ZC3H4: variants seen among roughly 807,000 people sequenced by gnomAD.
ZC3H4 encodes zinc finger CCCH domain-containing protein 4.
A neutral mutation model predicts 108.3 loss-of-function variants in ZC3H4; 13 were observed. The ratio of observed to expected loss-of-function variants is 0.12; its 90% confidence interval spans 0.08 to 0.19. ZC3H4 has a LOEUF of 0.19. ZC3H4 is among the 10% of genes least tolerant of loss of function. The pLI is 1.00. For synonymous variants in ZC3H4, 917 were observed against 749.6 expected (o/e 1.22, Z -3.65); for missense variants, 1,734 against 1,838.8 (o/e 0.94, Z 1.04).
At chr19:47,087,078 C>A (rs1428505076) in intron 5 of ZC3H4, among the ~76,000 whole-genome samples, 2 of 151,928 alleles carry the variant, frequency 1.3e-5, no homozygotes, top group Non-Finnish European at 2.9e-5. Context: ...GAGTTTGAGA[C>A]CATCCTGGCC....
In ZC3H4 at chr19:47,066,553, C is replaced by T. The variant is rs568440265; in HGVS notation, c.3715G>A (p.Glu1239Lys). Residue 1239 changes from glutamate to lysine, a missense_variant, in exon 15 of 15, where the codon GAG becomes AAG. Glu to Lys is a moderately conservative substitution (Grantham distance 56). This residue lies in a region of ZC3H4 where 518 missense variants were observed against 499.6 expected (regional missense o/e 1.04). Coordinates refer to ENST00000253048, the MANE Select transcript of ZC3H4 (RefSeq NM_015168.2). ...PAATTATPPPEGAPPQPGVHN... is the reference protein window; with the variant it reads ...PAATTATPPPKGAPPQPGVHN... Reference sequence around the variant, plus strand: ...ACCCCGGGCTGGGGTGGGGCACCCTCGGGGGGTGGGGTGGCGGTGGTGGCA... The same window carrying T: ...ACCCCGGGCTGGGGTGGGGCACCCTTGGGGGGTGGGGTGGCGGTGGTGGCA... 10 of 1,297,372 alleles carry T rather than the reference C, an allele frequency of 7.7e-6. No homozygotes were observed. The highest frequency in any genetic ancestry group is 1.4e-5 in the African/African-American group (1 of 70,276). The allele number at this position is 1,297,372 out of a possible 1,614,324, so 80.4% of individuals were successfully genotyped here.
At chr19:47,094,742 G>C in intron 2 of ZC3H4, 134 bp from the exon 3 acceptor site, 2 of 823,804 alleles carry the variant, frequency 2.4e-6, no homozygotes, top group Non-Finnish European at 3.9e-6. Context: ...GAGGACATGG[G>C]GGCCATGGCC....
At chr19:47,085,610 A>T (rs1030212579) in intron 6 of ZC3H4, among the ~76,000 whole-genome samples, 196 bp from the exon 7 acceptor site, 2 of 152,130 alleles carry the variant, frequency 1.3e-5, no homozygotes. Context: ...CTGACCCAAT[A>T]GGCAAACCCA....
chr19:47,080,685 C>T (rs1422335727), intron 11 of ZC3H4, among the ~76,000 whole-genome samples: 2 of 149,530 alleles, frequency 1.3e-5, no homozygotes, highest in Admixed American at 1.3e-4. Context: ...TTTTGAGACA[C>T]AGTCTCACTC....
chr19:47,094,374 G>A lies in ZC3H4; in HGVS notation c.381+15C>T. 2 of 1,613,426 alleles carry A rather than the reference G, an allele frequency of 1.2e-6. No homozygotes were observed. Among genetic ancestry groups the A allele is most frequent in the Non-Finnish European group, 8.5e-7 (1 of 1,179,906 alleles). ...AATGCCAGGCAGTGGCAGTCCCAGG[G>A]GATCTCCGACCTACTTTGTGCTTGG... On this transcript the variant is annotated intron_variant, in intron 3 of 14. Transcript: ENST00000253048.
chr19:47,112,308 C>T, intron 2 of ZC3H4, 116 bp downstream of exon 2: 3 of 1,069,940 alleles, frequency 2.8e-6, no homozygotes, highest in Non-Finnish European at 3.6e-6. Flanking sequence ...GCCCTTCCTC[C>T]TCCTCCTCCT....
intron 2 of ZC3H4, among the ~76,000 whole-genome samples, chr19:47,095,893 C>T (rs1477624038): frequency 6.6e-6 from 1 of 152,156 alleles, no homozygotes; most frequent in Non-Finnish European, 1.5e-5. Context: ...AAGGAGGAAA[C>T]ATCACGAGCC....
chr19:47,096,832 G>C, intron 2 of ZC3H4: 1 of 985,372 alleles, frequency 1.0e-6, no homozygotes, highest in Non-Finnish European at 1.2e-6. Flanking sequence ...AAGAAACTTG[G>C]TCCACAAGGC....
At position 47,112,563 on chromosome 19, in the gene ZC3H4, G is replaced by T; in HGVS notation, c.22C>A (p.Pro8Thr). The T allele has an allele frequency of 1.9e-6, 2 of 1,053,948 alleles. No homozygotes were observed. The highest frequency in any genetic ancestry group is 2.4e-6 in the Non-Finnish European group (2 of 820,600). The allele number at this position is 1,053,948 out of a possible 1,614,324, so 65.3% of individuals were successfully genotyped here. A position where few individuals can be genotyped will look rare whatever the true frequency, so the allele number is the denominator to read the frequency against. The change falls in exon 2 of 15, where the codon CCC becomes ACC. Residue 8 changes from proline (P) to threonine (T), a missense_variant. Physicochemically the swap from Pro to Thr is conservative, Grantham distance 38 (BLOSUM62 -1). Coordinates refer to ENST00000253048, the MANE Select transcript of ZC3H4 (RefSeq NM_015168.2). ...GGCGACTCTGATGGCGGCGGCGGGG[G>T]GGTCCCGGGCGCGGCCTCCATAGTT... Reference protein sequence around the residue: MEAAPGTPPPPPSESPPP... With the variant: MEAAPGTTPPPPSESPPP...
At chr19:47,084,532 CG>C in intron 8 of ZC3H4, 77 bp from the exon 9 acceptor site, 1 of 1,415,680 alleles carries the variant, frequency 7.1e-7, no homozygotes, top group Admixed American at 1.8e-5. Context: ...ATAAGAAGCA[CG>C]GGAGAAGGGG....
chr19:47,112,528 TGGC>T lies in ZC3H4; in HGVS notation c.54_56del (p.Pro19del), dbSNP rs765998036. On this transcript the variant is annotated inframe_deletion, in exon 2 of 15. Coordinates refer to ENST00000253048, the MANE Select transcript of ZC3H4 (RefSeq NM_015168.2). ...AAGGCGTTGATGGCGGCGGCGGCGA[TGGC>T]GGCGGCGGCGACTCTGATGGCGGCG... 6.5e-5 allele frequency: 69 copies of T among 1,066,334 alleles called. No homozygotes were observed. The highest frequency in any genetic ancestry group is 1.4e-4 in the South Asian group (3 of 21,824). 66.1% of individuals were successfully genotyped at this position (1,066,334 alleles called of 1,614,324 possible).
chr19:47,088,191 A>T (rs1400914187), intron 5 of ZC3H4, among the ~76,000 whole-genome samples: 1 of 151,842 alleles, frequency 6.6e-6, no homozygotes, highest in Non-Finnish European at 1.5e-5. Flanking sequence ...AAATAAATAA[A>T]TAAGCTGGGT....
At chr19:47,109,755 A>C (rs1367644471) in intron 2 of ZC3H4, among the ~76,000 whole-genome samples, 1 of 152,212 alleles carries the variant, frequency 6.6e-6, no homozygotes, top group East Asian at 1.9e-4. Context: ...TAAGAAGGAA[A>C]AAAACAAAAC....
chr19:47,079,293 TG>T (rs901498072), intron 11 of ZC3H4, among the ~76,000 whole-genome samples: 2 of 149,848 alleles, frequency 1.3e-5, no homozygotes, highest in Admixed American at 1.3e-4. Context: ...CATCCCACAG[TG>T]GGGGGGTTAC....
chr19:47,080,145 T>C (rs1196926840), intron 11 of ZC3H4, among the ~76,000 whole-genome samples: 6 of 152,118 alleles, frequency 3.9e-5, no homozygotes, highest in Non-Finnish European at 5.9e-5. Context: ...TCCTAGAACC[T>C]CCTTGTGAAC....
intron 2 of ZC3H4, among the ~76,000 whole-genome samples, chr19:47,111,377 TA>T (rs1195605178): frequency 6.6e-6 from 1 of 152,106 alleles, no homozygotes; most frequent in Non-Finnish European, 1.5e-5. Context: ...TCGGACTTAA[TA>T]AAGAGAAGGG....
At position 47,066,434 on chromosome 19, in the gene ZC3H4, G is replaced by T. The variant is rs142249528; in HGVS notation, c.3834C>A (p.Arg1278=). The T allele has an allele frequency of 6.2e-4, 967 of 1,571,922 alleles. 2 individuals carry two copies. Among genetic ancestry groups the T allele is most frequent in the Non-Finnish European group, 7.0e-4 (808 of 1,161,252 alleles). ...GSPFAGNSPA[R]EGEQDAASLK... ...GGGATGCCGCATCCTGCTCACCCTC[G>T]CGGGCCGGACTGTTCCCAGCAAATG... Residue 1278 remains arginine, a synonymous_variant, in exon 15 of 15, where the codon CGC becomes CGA. Transcript: ENST00000253048.
chr19:47,067,269 G>A lies in ZC3H4; in HGVS notation c.2999C>T (p.Ala1000Val), dbSNP rs775328810. Residue 1000 changes from alanine to valine, a missense_variant, in exon 15 of 15, where the codon GCG (alanine) becomes GTG (valine). Physicochemically the swap from Ala to Val is moderately conservative, Grantham distance 64 (BLOSUM62 0). Transcript: ENST00000253048. This position sits in a 1 kb window ranked among gnomAD's most constrained non-coding sequence, Gnocchi z 6.4. ...PKQDAVPPVP[A>V]ALQSMPTLDP... ...CAGGGTGGGCATGGATTGCAGGGCCGCGGGCACGGGGGGCACTGCGTCCTG... is the reference window on the plus strand; with the variant it reads ...CAGGGTGGGCATGGATTGCAGGGCCACGGGCACGGGGGGCACTGCGTCCTG... 1.1e-5 allele frequency: 17 copies of A among 1,589,670 alleles called. No individual in the cohort carries two copies. The highest frequency in any genetic ancestry group is 3.4e-5 in the South Asian group (3 of 87,660).
Position 47,067,989 on chromosome 19 carries a change from C to G in ZC3H4, c.2399-120G>C. 2 of 1,003,384 alleles carry G rather than the reference C, an allele frequency of 2.0e-6. No individual in the cohort carries two copies. The highest frequency in any genetic ancestry group is 2.9e-6 in the Non-Finnish European group (2 of 681,360). The allele number at this position is 1,003,384 out of a possible 1,614,324, so 62.2% of individuals were successfully genotyped here. On this transcript the variant is annotated intron_variant, in intron 14 of 14. Transcript: ENST00000253048. The surrounding 1 kb of genome is among the most constrained non-coding windows in gnomAD (Gnocchi z 6.4). ...GCTTGTGCCTCTCAGAACCTCAGGT[C>G]CTCCTCTCTAAGGCTCCCTCCCCAC...
Sources: allele counts gnomAD v4.1 joint callset (sites outside exome capture counted in the v4.1 genomes callset), GRCh38; gene constraint gnomAD v4.1.1; regional missense constraint gnomAD v4.1.1; non-coding constraint Gnocchi (gnomAD v3.1); transcripts MANE v1.5; gene names NCBI Gene and HGNC (gene_info 2026-07-23, HGNC 2026-07-21).